The following TMED3 variants were observed in gnomAD, a reference collection of about 807,000 sequenced individuals.
TMED3 encodes transmembrane p24 trafficking protein 3.
A neutral mutation model predicts 15.0 loss-of-function variants in TMED3; 9 were observed. The observed-to-expected ratio is 0.60, with a 90% confidence interval of 0.36 to 1.04. The LOEUF is 1.04. Ranked by LOEUF, TMED3 falls within the 50% of genes least tolerant of loss-of-function variation. The probability of loss-of-function intolerance (pLI) is 0.01; values close to 1 mark genes in which losing one functional copy is unlikely to be tolerated. For synonymous variants in TMED3, 117 were observed against 121.4 expected, an observed-to-expected ratio of 0.96 and a Z score of 0.24; for missense variants, 267 against 278.9, an observed-to-expected ratio of 0.96 and a Z score of 0.30.
intron 2 of TMED3, among the ~76,000 whole-genome samples, chr15:79,388,105 G>T (rs1185112945): frequency 3.3e-5 from 5 of 152,034 alleles, no homozygotes; most frequent in African/African-American, 1.2e-4. Flanking sequence ...AAACTGGCAT[G>T]ATGCCCAGTA....
intron 2 of TMED3, among the ~76,000 whole-genome samples, chr15:79,351,108 A>T (rs1194570297): frequency 1.3e-5 from 2 of 152,194 alleles, no homozygotes; most frequent in African/African-American, 4.8e-5. Flanking sequence ...TCTAGTATTT[A>T]AAAAGTCCTA....
At chr15:79,379,168 TC>T (rs1302832033) in intron 2 of TMED3, among the ~76,000 whole-genome samples, 2 of 152,238 alleles carry the variant, frequency 1.3e-5, no homozygotes, top group Non-Finnish European at 2.9e-5. Context: ...CCATATTTAA[TC>T]AATAAGAGTG....
At chr15:79,408,042 T>C (rs1893925081) in intron 2 of TMED3, among the ~76,000 whole-genome samples, 1 of 152,158 alleles carries the variant, frequency 6.6e-6, no homozygotes, top group African/African-American at 2.4e-5. Context: ...AAAGATCAAA[T>C]AAGACAATGG....
intron 2 of TMED3, among the ~76,000 whole-genome samples, chr15:79,393,663 A>G (rs539544332): frequency 6.6e-6 from 1 of 152,300 alleles, no homozygotes; most frequent in Admixed American, 6.5e-5. Context: ...TAGAAGAAAT[A>G]CAGAGGAGTC....
intron 2 of TMED3, among the ~76,000 whole-genome samples, chr15:79,364,735 G>A (rs1356551340): frequency 2.0e-5 from 3 of 151,464 alleles, no homozygotes; most frequent in African/African-American, 7.3e-5. Context: ...CTGTCAGAGA[G>A]GAGTTTGGCC....
rs1022650276 is a variant in TMED3 at position 79,322,402 on chromosome 15, C to T, written c.*188C>T. On this transcript the variant is annotated 3_prime_UTR_variant, in exon 3 of 3. Coordinates refer to ENST00000299705, the MANE Select transcript of TMED3 (RefSeq NM_007364.4). ...GCTGAAGGTCTCAGAGACCAGTAAT[C>T]AGAAGGCATCCGACTGCATTAAGTG... The T allele has an allele frequency of 1.1e-5, 15 of 1,428,322 alleles. No individual in the cohort carries two copies. The African/African-American group carries it at 1.7e-4, about 16-fold the overall frequency. The allele number at this position is 1,428,322 out of a possible 1,614,324, so 88.5% of individuals were successfully genotyped here.
At chr15:79,353,718 T>C (rs2058907460) in intron 2 of TMED3, among the ~76,000 whole-genome samples, 1 of 152,024 alleles carries the variant, frequency 6.6e-6, no homozygotes, top group Admixed American at 6.6e-5. Context: ...TTTGCTTTTC[T>C]GTATTTTTCC....
chr15:79,387,940 T>A (rs1277510807), intron 2 of TMED3, among the ~76,000 whole-genome samples: 6 of 152,190 alleles, frequency 3.9e-5, no homozygotes, highest in Non-Finnish European at 8.8e-5. Flanking sequence ...ACAATTTTGC[T>A]AATCTTTCTT....
At chr15:79,311,698 G>A (rs2058715399) in intron 1 of TMED3, among the ~76,000 whole-genome samples, 1 of 152,124 alleles carries the variant, frequency 6.6e-6, no homozygotes, top group Admixed American at 6.5e-5. Context: ...TGGGGAGCTG[G>A]CCAAAGAGAT....
Position 79,396,928 on chromosome 15 carries a change from T to G in TMED3, c.418-14472T>G, listed in dbSNP as rs547313782. On this transcript the variant is annotated intron_variant, in intron 2 of 2. Coordinates refer to the TMED3 transcript ENST00000424155. ...ATTAATTTCACCTGTTTCTTTTTAC[T>G]CTTTCTATGCAGCCACTAGAAAATT... Among the ~76,000 whole-genome samples the G allele has an allele frequency of 1.3e-3, 191 of 152,380 alleles. 2 individuals carry two copies. The highest frequency in any genetic ancestry group is 4.4e-3 in the African/African-American group (183 of 41,588).
At chr15:79,344,150 A>G (rs190530457) in intron 2 of TMED3, among the ~76,000 whole-genome samples, 13 of 152,286 alleles carry the variant, frequency 8.5e-5, no homozygotes, top group Admixed American at 7.8e-4. Flanking sequence ...TCAAATAGAA[A>G]GTGAGAGGGA....
chr15:79,351,522 T>C (rs1372412401), intron 2 of TMED3, among the ~76,000 whole-genome samples: 2 of 152,318 alleles, frequency 1.3e-5, no homozygotes, highest in East Asian at 1.9e-4. Context: ...ACGGGAAAAC[T>C]GATTTTTAAA....
chr15:79,324,829 G>C (rs59943842), downstream of TMED3, among the ~76,000 whole-genome samples: 17,759 of 152,116 alleles, frequency 0.12, 1,641 homozygotes, highest in East Asian at 0.54. Context: ...ACTGGGTTGG[G>C]GCTGACCTTT....
chr15:79,355,093 A>T (rs942969507), intron 2 of TMED3, among the ~76,000 whole-genome samples: 3 of 152,112 alleles, frequency 2.0e-5, no homozygotes, highest in African/African-American at 7.2e-5. Context: ...TAAGCCCTTT[A>T]TTCCTCTTAA....
At chr15:79,384,265 G>T (rs568458489) in intron 2 of TMED3, 1 of 152,366 alleles carries the variant, frequency 6.6e-6, no homozygotes, top group South Asian at 2.1e-4. Context: ...GAACAGGGTA[G>T]AAATAAATAG....
At chr15:79,413,161 G>A (rs1159403689) in exon 3 of TMED3, 2 of 152,206 alleles carry the variant, frequency 1.3e-5, no homozygotes, top group African/African-American at 4.8e-5. Context: ...AAAAACTAGA[G>A]TACCTTCTTT....
intron 2 of TMED3, among the ~76,000 whole-genome samples, chr15:79,355,041 C>T (rs778123837): frequency 3.3e-5 from 5 of 152,168 alleles, no homozygotes; most frequent in African/African-American, 7.2e-5. Flanking sequence ...CAATCCCTGC[C>T]ACTGGGTTTA....
chr15:79,362,571 C>A (rs1893152559), intron 2 of TMED3, among the ~76,000 whole-genome samples: 1 of 152,116 alleles, frequency 6.6e-6, no homozygotes, highest in South Asian at 2.1e-4. Flanking sequence ...TGTGTCCTCA[C>A]CCAAATCTCA....
intron 2 of TMED3, among the ~76,000 whole-genome samples, chr15:79,335,363 T>C (rs1172377662): frequency 6.6e-6 from 1 of 152,156 alleles, no homozygotes; most frequent in Non-Finnish European, 1.5e-5. Flanking sequence ...AAGTAACCTG[T>C]CAGAGGGAGA....
Sources: gnomAD v4.1 joint callset for allele counts (sites outside exome capture counted in the v4.1 genomes callset) on GRCh38, gnomAD v4.1.1 for gene constraint, MANE v1.5 for transcripts, NCBI Gene and HGNC (gene_info 2026-07-23, HGNC 2026-07-21) for gene names.